The following SLC4A4 variants were observed in gnomAD, a reference collection of about 807,000 sequenced individuals.
The protein encoded by SLC4A4 is solute carrier family 4 member 4.
In SLC4A4, 27 loss-of-function variants were observed where a neutral mutation model predicts 111.5. The ratio of observed to expected loss-of-function variants is 0.24; its 90% CI spans 0.18 to 0.33. SLC4A4 has a LOEUF of 0.33. Among genes scored for constraint, SLC4A4 ranks in the 10% least tolerant of loss-of-function variants. The pLI is 1.00. For missense variants in SLC4A4, 909 were observed against 1,315.5 expected, an observed-to-expected ratio of 0.69 and a Z score of 4.78; for synonymous variants, 443 against 463.4, an observed-to-expected ratio of 0.96 and a Z score of 0.57.
intron 20 of SLC4A4, among the ~76,000 whole-genome samples, chr4:71,552,751 T>C (rs1464036712): frequency 6.6e-6 from 1 of 151,866 alleles, no homozygotes; most frequent in East Asian, 1.9e-4. Context: ...TTACATAATT[T>C]TATCATTTGG....
At chr4:71,135,571 C>T (rs1224021914) in intron 2 of SLC4A4, among the ~76,000 whole-genome samples, 1 of 152,178 alleles carries the variant, frequency 6.6e-6, no homozygotes, top group Non-Finnish European at 1.5e-5. Flanking sequence ...GCTGGGATTA[C>T]AGGTGTGAGC....
chr4:71,077,285 C>T (rs1044486980), intron 1 of SLC4A4, among the ~76,000 whole-genome samples: 2 of 151,800 alleles, frequency 1.3e-5, no homozygotes, highest in Admixed American at 6.6e-5. Flanking sequence ...CTCAGCCTCC[C>T]GAGTAGCTGG....
intron 2 of SLC4A4, among the ~76,000 whole-genome samples, chr4:71,109,350 A>C (rs1435731208): frequency 1.3e-5 from 2 of 151,854 alleles, no homozygotes; most frequent in Non-Finnish European, 2.9e-5. Flanking sequence ...CGAAGGGGGG[A>C]AAATGCACCA....
At chr4:71,217,018 C>T (rs531897326) in intron 1 of SLC4A4, among the ~76,000 whole-genome samples, 179 of 152,290 alleles carry the variant, frequency 1.2e-3, no homozygotes, top group Non-Finnish European at 2.2e-3. Flanking sequence ...ACTTGAATTA[C>T]ATTCACTTTA....
At position 71,100,345 on chromosome 4, in the gene SLC4A4, C is replaced by CAA. The variant is rs71673457; in HGVS notation, c.-2+7562_-2+7563dup. Among the ~76,000 whole-genome samples, 17 of 145,066 alleles carry CAA rather than the reference C, an allele frequency of 1.2e-4. 1 individual carries two copies. Among genetic ancestry groups the CAA allele is most frequent in the African/African-American group, 2.6e-4 (10 of 39,188 alleles). On this transcript the variant is annotated intron_variant, in intron 2 of 26. Transcript: ENST00000649996. ...TTCATCACATAAACAGAATTAAAGACAAAAAAAAAACACATGATTATCTCA... is the reference window on the plus strand; with the variant it reads ...TTCATCACATAAACAGAATTAAAGACAAAAAAAAAAAACACATGATTATCTCA...
At chr4:71,079,718 GTGAGCAGTGGCTGTGCCACTGCATTC>G (rs2148933902) in intron 1 of SLC4A4, among the ~76,000 whole-genome samples, 1 of 151,900 alleles carries the variant, frequency 6.6e-6, no homozygotes, top group East Asian at 1.9e-4. Flanking sequence ...CAAGGCTGCA[GTGAGCAGTGGCTGTGCCACTGCATTC>G]TAGGCTAGGT....
intron 6 of SLC4A4, among the ~76,000 whole-genome samples, chr4:71,386,116 C>T (rs555227307): frequency 6.6e-6 from 1 of 151,416 alleles, no homozygotes; most frequent in East Asian, 1.9e-4. Context: ...TTCTTCCAGT[C>T]CTTTGAAATC....
intron 3 of SLC4A4, among the ~76,000 whole-genome samples, chr4:71,289,136 G>A (rs1348049706): frequency 6.6e-6 from 1 of 152,036 alleles, no homozygotes; most frequent in African/African-American, 2.4e-5. Flanking sequence ...TAAATAATTA[G>A]GTTAGATAAG....
At chr4:71,432,464 GT>G (rs1455472405) in intron 7 of SLC4A4, among the ~76,000 whole-genome samples, 3 of 152,012 alleles carry the variant, frequency 2.0e-5, no homozygotes, top group Non-Finnish European at 2.9e-5. Context: ...GCAACTTGAT[GT>G]TTTTTTAGGC....
chr4:71,421,013 A>C (rs1222658971), intron 7 of SLC4A4, among the ~76,000 whole-genome samples: 1 of 148,578 alleles, frequency 6.7e-6, no homozygotes, highest in Non-Finnish European at 1.5e-5. Flanking sequence ...AATGGACTAA[A>C]TGCTCCAATT....
At chr4:71,558,260 T>C (rs1292620441) in intron 22 of SLC4A4, among the ~76,000 whole-genome samples, 2 of 151,968 alleles carry the variant, frequency 1.3e-5, no homozygotes, top group Non-Finnish European at 2.9e-5. Flanking sequence ...TTTTTAAATG[T>C]TGTATAATAG....
chr4:71,397,262 A>G (rs764468047), intron 6 of SLC4A4, among the ~76,000 whole-genome samples: 1 of 152,212 alleles, frequency 6.6e-6, no homozygotes, highest in Non-Finnish European at 1.5e-5. Flanking sequence ...GGGCAATGAC[A>G]AAGAGTGAAC....
At chr4:71,115,793 ACT>A (rs1344518437) in intron 2 of SLC4A4, among the ~76,000 whole-genome samples, 5 of 152,046 alleles carry the variant, frequency 3.3e-5, no homozygotes, top group Non-Finnish European at 5.9e-5. Context: ...TGGAAATAGA[ACT>A]CTCTCTAAAA....
intron 2 of SLC4A4, among the ~76,000 whole-genome samples, chr4:71,165,971 T>C (rs182717641): frequency 1.4e-3 from 220 of 152,294 alleles, no homozygotes; most frequent in African/African-American, 5.1e-3. Flanking sequence ...ATTGGTATTA[T>C]CCACAGAGCA....
chr4:71,147,634 A>C (rs1389269810), intron 2 of SLC4A4, among the ~76,000 whole-genome samples: 1 of 152,166 alleles, frequency 6.6e-6, no homozygotes, highest in African/African-American at 2.4e-5. Flanking sequence ...TTCACTTGTC[A>C]GAATATCAAG....
chr4:71,150,774 G>GTTCTGGGAC, intron 2 of SLC4A4, among the ~76,000 whole-genome samples: 1 of 152,232 alleles, frequency 6.6e-6, no homozygotes, highest in Middle Eastern at 3.4e-3. Context: ...GTTGCCAAGT[G>GTTCTGGGAC]TTCTGGGACC....
At chr4:71,560,059 G>C in intron 22 of SLC4A4, 34 bp from the exon 23 acceptor site, 1 of 1,538,900 alleles carries the variant, frequency 6.5e-7, no homozygotes, top group Non-Finnish European at 9.0e-7. Flanking sequence ...ATCTGACATG[G>C]TTTCTTTCAT....
chr4:71,080,420 GGTAA>G (rs1360831821), intron 1 of SLC4A4, among the ~76,000 whole-genome samples: 1 of 151,994 alleles, frequency 6.6e-6, no homozygotes, highest in African/African-American at 2.4e-5. Flanking sequence ...CAAAGTGCTG[GGTAA>G]GTAAGAGTGC....
chr4:71,186,985 C>G (rs1235422295), upstream of SLC4A4: 1 of 152,672 alleles, frequency 6.5e-6, no homozygotes, highest in Non-Finnish European at 1.5e-5. Flanking sequence ...GACATCCCCC[C>G]GCGCCACCTT....
Sources: allele counts gnomAD v4.1 joint callset (sites outside exome capture counted in the v4.1 genomes callset), GRCh38; gene constraint gnomAD v4.1.1; transcripts MANE v1.5; gene names NCBI Gene and HGNC (gene_info 2026-07-23, HGNC 2026-07-21).